The following PCDHAC1 variants were observed in gnomAD, a reference collection of about 807,000 sequenced individuals.
PCDHAC1 encodes protocadherin alpha subfamily C, 1, also known as protocadherin alpha-C1.
In PCDHAC1, 42 loss-of-function variants were observed where a neutral mutation model predicts 60.0. The observed-to-expected ratio is 0.70, with a 90% CI of 0.55 to 0.90. PCDHAC1 has a LOEUF of 0.90. PCDHAC1 is among the 40% of genes least tolerant of loss of function. The probability of loss-of-function intolerance (pLI) is 0.00; values close to 1 mark genes in which losing one functional copy is unlikely to be tolerated. For synonymous variants in PCDHAC1, 468 were observed against 499.3 expected, an observed-to-expected ratio of 0.94 and a Z score of 0.84; for missense variants, 1,160 against 1,222.3, an observed-to-expected ratio of 0.95 and a Z score of 0.76.
intron 1 of PCDHAC1, among the ~76,000 whole-genome samples, chr5:140,931,648 T>G (rs1258876806): frequency 6.6e-6 from 1 of 152,014 alleles, no homozygotes; most frequent in African/African-American, 2.4e-5. Context: ...TGCTAATAAT[T>G]GTTGTGGGCT....
intron 1 of PCDHAC1, among the ~76,000 whole-genome samples, chr5:140,944,240 T>C (rs374307364): frequency 2.1e-4 from 32 of 152,316 alleles, no homozygotes; most frequent in African/African-American, 7.5e-4. Flanking sequence ...CAGGCTGGAG[T>C]GCAGTGATGT....
chr5:140,974,701 A>G (rs1299087234), intron 1 of PCDHAC1, among the ~76,000 whole-genome samples: 2 of 152,012 alleles, frequency 1.3e-5, no homozygotes, highest in Non-Finnish European at 2.9e-5. Flanking sequence ...GGGTTTCACC[A>G]TGTTGTTCAA....
rs377328620 is a variant in PCDHAC1 at position 140,928,577 on chromosome 5, A to G, written c.1685A>G (p.Asn562Ser). Residue 562 changes from asparagine (N) to serine (S), a missense_variant, in exon 1 of 4, where the codon AAT (asparagine) becomes AGT (serine). Physicochemically the swap from Asn to Ser is conservative, Grantham distance 46. Coordinates refer to ENST00000253807, the MANE Select transcript of PCDHAC1 (RefSeq NM_018898.5). ...GTTATCTTGTTTCCCTTGCCCAGAA[A>G]TGGTTCTGTCCCAGTGGAAATTGTG... is the stretch of plus-strand genomic sequence containing the variant. ...YPVILFPLPR[N>S]GSVPVEIVPR... The G allele has an allele frequency of 3.7e-6, 6 of 1,614,070 alleles. No homozygotes were observed. The African/African-American group carries it at 6.7e-5, about 18-fold the overall frequency.
intron 3 of PCDHAC1, among the ~76,000 whole-genome samples, chr5:140,986,398 G>A (rs973049448): frequency 7.2e-5 from 11 of 152,174 alleles, no homozygotes; most frequent in African/African-American, 2.4e-4. Flanking sequence ...AGGGCCAGTC[G>A]CTCATGTTAC....
chr5:140,979,949 A>G (rs1554241287), intron 2 of PCDHAC1, among the ~76,000 whole-genome samples: 2 of 152,248 alleles, frequency 1.3e-5, no homozygotes, highest in African/African-American at 4.8e-5. Context: ...TTAATGTGAA[A>G]TTAGTTTTAG....
At chr5:140,968,322 C>T (rs782755782) in intron 1 of PCDHAC1, 9 of 1,614,122 alleles carry the variant, frequency 5.6e-6, no homozygotes, top group Non-Finnish European at 6.8e-6. Context: ...CTGCCAGTCA[C>T]CTCCTATGTC....
intron 1 of PCDHAC1, among the ~76,000 whole-genome samples, chr5:140,936,396 A>G (rs983509296): frequency 1.4e-4 from 22 of 152,112 alleles, no homozygotes; most frequent in African/African-American, 5.3e-4. Flanking sequence ...AAACTGGGCT[A>G]CTCAATTTTT....
At chr5:140,956,994 A>T (rs2095325479) in intron 1 of PCDHAC1, among the ~76,000 whole-genome samples, 1 of 152,168 alleles carries the variant, frequency 6.6e-6, no homozygotes, top group Non-Finnish European at 1.5e-5. Flanking sequence ...AATTCAAGGA[A>T]GTGGTCTGAA....
At chr5:140,951,876 G>A (rs1554220112) in intron 1 of PCDHAC1, among the ~76,000 whole-genome samples, 1 of 152,094 alleles carries the variant, frequency 6.6e-6, no homozygotes, top group East Asian at 1.9e-4. Context: ...CTGAGACAAG[G>A]CAACTCTCTT....
chr5:140,942,733 T>C (rs1344147840), intron 1 of PCDHAC1, among the ~76,000 whole-genome samples: 1 of 152,184 alleles, frequency 6.6e-6, no homozygotes, highest in Non-Finnish European at 1.5e-5. Context: ...TTGAAAAATA[T>C]TTTAAAATCT....
At chr5:140,971,643 T>C (rs2096490301) in intron 1 of PCDHAC1, among the ~76,000 whole-genome samples, 2 of 152,134 alleles carry the variant, frequency 1.3e-5, no homozygotes, top group African/African-American at 4.8e-5. Flanking sequence ...TGTGCCTACA[T>C]TAAAAGTAGA....
chr5:140,947,146 A>G (rs1253300651), intron 1 of PCDHAC1, among the ~76,000 whole-genome samples: 2 of 151,546 alleles, frequency 1.3e-5, no homozygotes, highest in Non-Finnish European at 1.5e-5. Context: ...ATGTATAGTT[A>G]CTTCCACGGG....
At chr5:140,991,022 C>T (rs1324609159) in intron 3 of PCDHAC1, among the ~76,000 whole-genome samples, 1 of 152,164 alleles carries the variant, frequency 6.6e-6, no homozygotes, top group Non-Finnish European at 1.5e-5. Flanking sequence ...AAGCACTTTA[C>T]ATATGTTGCA....
intron 3 of PCDHAC1, among the ~76,000 whole-genome samples, chr5:140,999,986 G>A (rs2097887000): frequency 6.6e-6 from 1 of 151,990 alleles, no homozygotes; most frequent in African/African-American, 2.4e-5. Context: ...GCGGCCTCTG[G>A]GTAGTGGTAT....
chr5:140,926,938 G>C lies in PCDHAC1; in HGVS notation c.46G>C (p.Gly16Arg). Residue 16 changes from glycine to arginine, a missense_variant, in exon 1 of 4, where the codon GGC becomes CGC. Gly to Arg is a moderately radical substitution (Grantham distance 125). This residue lies in a region of PCDHAC1 where 43 missense variants were observed against 40.4 expected (regional missense o/e 1.06). Coordinates refer to ENST00000253807, the MANE Select transcript of PCDHAC1 (RefSeq NM_018898.5). ...VAVLCLWVSC[G>R]AAAGQLEYSV... is the part of the protein sequence containing the mutation. ...AGTTTTATGTTTGTGGGTTTCCTGC[G>C]GCGCTGCAGCGGGACAGCTCGAGTA... is the stretch of plus-strand genomic sequence containing the variant. 1 of 1,581,492 alleles carries C rather than the reference G, an allele frequency of 6.3e-7. No homozygotes were observed.
At chr5:140,993,468 AC>A (rs2097564676) in intron 3 of PCDHAC1, among the ~76,000 whole-genome samples, 1 of 69,412 alleles carries the variant, frequency 1.4e-5, no homozygotes, top group South Asian at 5.5e-4. Context: ...TTTCTCACAC[AC>A]ACACACACAC....
chr5:140,946,142 CAAAT>C (rs1214309556), intron 1 of PCDHAC1, among the ~76,000 whole-genome samples: 1 of 151,910 alleles, frequency 6.6e-6, no homozygotes, highest in Non-Finnish European at 1.5e-5. Context: ...AGTAAGAAAA[CAAAT>C]AACACGATTT....
At chr5:141,006,050 G>A (rs1554260524) in intron 3 of PCDHAC1, among the ~76,000 whole-genome samples, 1 of 151,092 alleles carries the variant, frequency 6.6e-6, no homozygotes, top group African/African-American at 2.4e-5. Flanking sequence ...GTAGATGAGA[G>A]TGGAGAAGAA....
chr5:140,971,537 G>T (rs1414023721), intron 1 of PCDHAC1, among the ~76,000 whole-genome samples: 1 of 152,136 alleles, frequency 6.6e-6, no homozygotes, highest in Non-Finnish European at 1.5e-5. Flanking sequence ...AGTCATCATT[G>T]CCAGATCAAC....
Sources: gnomAD v4.1 joint callset for allele counts (sites outside exome capture counted in the v4.1 genomes callset) on GRCh38, gnomAD v4.1.1 for gene constraint, gnomAD v4.1.1 regional missense constraint, MANE v1.5 for transcripts, NCBI Gene and HGNC (gene_info 2026-07-23, HGNC 2026-07-21) for gene names.